Variants in RAD50 observed in about 807,000 individuals in gnomAD.
RAD50 encodes DNA repair protein RAD50.
RAD50 carries 132 observed loss-of-function variants against 168.8 expected under a neutral mutation model. The observed-to-expected ratio is 0.78, with a 90% confidence interval of 0.68 to 0.90. The LOEUF is 0.90. Ranked by LOEUF, RAD50 falls within the 40% of genes least tolerant of loss-of-function variation. The pLI, the probability that RAD50 is intolerant of heterozygous loss-of-function variation, is 0.00. For synonymous variants in RAD50, 525 were observed against 497.4 expected (o/e 1.06, Z -0.74); for missense variants, 1,347 against 1,534.4 (o/e 0.88, Z 2.04).
In RAD50 at chr5:132,595,602, T is replaced by A. The variant is rs780845238; in HGVS notation, c.1999T>A (p.Ser667Thr). Residue 667 changes from serine (S) to threonine (T), a missense_variant, in exon 13 of 25, where the codon TCC becomes ACC. This residue lies in a region of RAD50 where 703 missense variants were observed against 767.7 expected (regional missense o/e 0.92). Coordinates refer to ENST00000378823, the MANE Select transcript of RAD50 (RefSeq NM_005732.4). ...AMLAGATAVY[S>T]QFITQLTDEN... Reference sequence around the variant, plus strand: ...GCTGGCTGGAGCCACAGCAGTTTACTCCCAGTTCATTACTCAGCTAACAGA... The same window carrying A: ...GCTGGCTGGAGCCACAGCAGTTTACACCCAGTTCATTACTCAGCTAACAGA... 1 of 1,613,920 alleles carries A rather than the reference T, an allele frequency of 6.2e-7. No homozygotes were observed. The highest frequency in any genetic ancestry group is 8.5e-7 in the Non-Finnish European group (1 of 1,179,746).
chr5:132,604,559 G>A (rs975777674), intron 15 of RAD50, among the ~76,000 whole-genome samples: 4 of 152,044 alleles, frequency 2.6e-5, no homozygotes, highest in East Asian at 3.8e-4. Flanking sequence ...GAGCCAGTGC[G>A]CCTGGCCATG....
At chr5:132,636,983 T>C in intron 21 of RAD50, 132 bp from the exon 22 acceptor site, 5 of 760,000 alleles carry the variant, frequency 6.6e-6, no homozygotes, top group Non-Finnish European at 5.0e-6. Flanking sequence ...ATTCTACTTT[T>C]ACCATTGAAA....
At chr5:132,590,603 C>T (rs1750681531) in intron 9 of RAD50, among the ~76,000 whole-genome samples, 1 of 152,316 alleles carries the variant, frequency 6.6e-6, no homozygotes, top group East Asian at 1.9e-4. Context: ...CTTAGCCAAT[C>T]TTTTCAGGTA....
rs529846898 is a variant in RAD50, at chr5:132,614,104, G to C, written c.3037-1899G>C. ...CAAAACTAGAAGAATAATGGAAGCT[G>C]ACCTAAAACAAAGAAATGCCTAGCT... is the stretch of plus-strand genomic sequence containing the variant. On this transcript the variant is annotated intron_variant, in intron 19 of 24. Coordinates refer to ENST00000378823, the MANE Select transcript of RAD50 (RefSeq NM_005732.4). Among the ~76,000 whole-genome samples, 3 of 152,250 alleles carry C rather than the reference G, an allele frequency of 2.0e-5. No homozygotes were observed. In the South Asian group the frequency reaches 6.2e-4, roughly 32 times the overall value.
chr5:132,619,974 G>A (rs1751259110), intron 21 of RAD50, among the ~76,000 whole-genome samples: 1 of 148,662 alleles, frequency 6.7e-6, no homozygotes, highest in African/African-American at 2.5e-5. Flanking sequence ...GCGCCATCTC[G>A]GCTCACTGCA....
intron 3 of RAD50, among the ~76,000 whole-genome samples, chr5:132,577,183 T>G (rs1236368390): frequency 2.6e-5 from 4 of 152,224 alleles, no homozygotes; most frequent in Admixed American, 1.3e-4. Flanking sequence ...GCCACCCATA[T>G]TTTTTAGATC....
chr5:132,608,699 A>G lies in RAD50; in HGVS notation c.2803A>G (p.Thr935Ala). Reference sequence around the variant, plus strand: ...AGAAGAATTAATCAACAAAAAAAATACAAGCAACAAAATAGCACAGGATAA... The same window carrying G: ...AGAAGAATTAATCAACAAAAAAAATGCAAGCAACAAAATAGCACAGGATAA... ...EKEELINKKNTSNKIAQDKLN... is the reference protein window; with the variant it reads ...EKEELINKKNASNKIAQDKLN... Residue 935 changes from threonine to alanine, a missense_variant, in exon 17 of 25, where the codon ACA becomes GCA. Coordinates refer to ENST00000378823, the MANE Select transcript of RAD50 (RefSeq NM_005732.4). 1 of 1,590,820 alleles carries G rather than the reference A, an allele frequency of 6.3e-7. No homozygotes were observed. Among genetic ancestry groups the G allele is most frequent in the Non-Finnish European group, 8.6e-7 (1 of 1,168,758 alleles).
chr5:132,638,065 C>A lies in RAD50; in HGVS notation c.3476-16C>A, dbSNP rs577900904. The stretch of plus-strand genomic sequence containing the variant: ...AGAGCATAGGTTCCTCTAAAATATT[C>A]TTCTTCCTGTGTCAGATATTGAATA... On this transcript the variant is annotated splice_polypyrimidine_tract_variant and intron_variant, in intron 22 of 24. Transcript: ENST00000378823. 96 of 1,609,470 alleles carry A rather than the reference C, an allele frequency of 6.0e-5. No individual in the cohort carries two copies. The highest frequency in any genetic ancestry group is 7.5e-5 in the Non-Finnish European group (88 of 1,178,656).
At chr5:132,613,402 T>C (rs777485667) in intron 19 of RAD50, among the ~76,000 whole-genome samples, 7 of 152,058 alleles carry the variant, frequency 4.6e-5, no homozygotes, top group Non-Finnish European at 1.0e-4. Flanking sequence ...TGGAAAAACA[T>C]TTGTGGTATA....
intron 21 of RAD50, among the ~76,000 whole-genome samples, chr5:132,619,752 T>C (rs967540867): frequency 6.7e-6 from 1 of 149,858 alleles, no homozygotes; most frequent in Non-Finnish European, 1.5e-5. Context: ...GTTAGCTCTT[T>C]GTGTGTCTTG....
chr5:132,623,104 ATCT>A (rs979142829), intron 21 of RAD50, among the ~76,000 whole-genome samples: 6 of 152,134 alleles, frequency 3.9e-5, no homozygotes, highest in Admixed American at 3.3e-4. Context: ...GTCACTTCTA[ATCT>A]TCTTCCTTAC....
In RAD50 at chr5:132,591,390, T is replaced by TGA. The variant is rs764968413; in HGVS notation, c.1620_1621insAG (p.Leu541SerfsTer2). 1.9e-6 allele frequency: 3 copies of TGA among 1,613,628 alleles called. No homozygotes were observed. The African/African-American group carries it at 4.0e-5, about 22-fold the overall frequency. On this transcript the variant is annotated frameshift_variant, in exon 10 of 25. Transcript: ENST00000378823. LOFTEE classifies it high-confidence loss of function. ...ACAACAACACGTACCCAAATGGAGA[T>TGA]GCTGACCAAAGACAAAGTATGATTT... is the stretch of plus-strand genomic sequence containing the variant.
chr5:132,588,094 G>T lies in RAD50; in HGVS notation c.1051+5G>T. ...CAGAACTGCTTGTTGAACAGGGTAG[G>T]ACAAAATGTTTATTTGGTCGTTTTT... On this transcript the variant is annotated splice_donor_5th_base_variant and intron_variant, in intron 7 of 24. Coordinates refer to ENST00000378823, the MANE Select transcript of RAD50 (RefSeq NM_005732.4). 6.2e-7 allele frequency: 1 copy of T among 1,607,854 alleles called. No homozygotes were observed. The highest frequency in any genetic ancestry group is 1.1e-5 in the South Asian group (1 of 90,788).
At chr5:132,565,243 A>G (rs1750186412) in intron 2 of RAD50, among the ~76,000 whole-genome samples, 1 of 151,950 alleles carries the variant, frequency 6.6e-6, no homozygotes, top group African/African-American at 2.4e-5. Context: ...TAGCATGTGG[A>G]ACTGTGAGCC....
chr5:132,610,222 A>G (rs1751061058), intron 19 of RAD50, among the ~76,000 whole-genome samples: 1 of 152,106 alleles, frequency 6.6e-6, no homozygotes, highest in Non-Finnish European at 1.5e-5. Flanking sequence ...TTTCCTTATC[A>G]CAAACTGTGT....
At chr5:132,559,134 T>C in intron 1 of RAD50, 150 bp from the exon 2 acceptor site, 3 of 764,132 alleles carry the variant, frequency 3.9e-6, no homozygotes, top group African/African-American at 1.8e-5. Context: ...GCATTAACAC[T>C]TAATCATATT....
intron 19 of RAD50, among the ~76,000 whole-genome samples, chr5:132,613,566 C>T (rs1165889476): frequency 1.3e-5 from 2 of 148,912 alleles, no homozygotes; most frequent in African/African-American, 2.5e-5. Context: ...TGATTACATA[C>T]ACTCATTCCT....
At chr5:132,588,146 TATGA>T in intron 7 of RAD50, 57 bp downstream of exon 7, 1 of 1,544,136 alleles carries the variant, frequency 6.5e-7, no homozygotes. Context: ...ACATTTTCTG[TATGA>T]ATGAAGAATC....
chr5:132,593,342 G>A (rs1021085582), intron 11 of RAD50: 5 of 152,656 alleles, frequency 3.3e-5, no homozygotes, highest in African/African-American at 7.2e-5. Flanking sequence ...GTATGAGTTT[G>A]TTTCAGTGCA....
Sources: gnomAD v4.1 joint callset for allele counts (sites outside exome capture counted in the v4.1 genomes callset) on GRCh38, gnomAD v4.1.1 for gene constraint, gnomAD v4.1.1 regional missense constraint, MANE v1.5 for transcripts, NCBI Gene and HGNC (gene_info 2026-07-23, HGNC 2026-07-21) for gene names.